GRID2: variants seen among roughly 807,000 people sequenced by gnomAD.
The protein encoded by GRID2 is glutamate ionotropic receptor delta type subunit 2, also known as glutamate receptor ionotropic, delta-2.
A neutral mutation model predicts 114.8 loss-of-function variants in GRID2; 33 were observed. The observed-to-expected ratio is 0.29, with a 90% CI of 0.22 to 0.38. GRID2 has a LOEUF of 0.38. GRID2 is among the 10% of genes least tolerant of loss of function. The pLI is 1.00. For synonymous variants in GRID2, 505 were observed against 449.9 expected, an observed-to-expected ratio of 1.12 and a Z score of -1.55; for missense variants, 1,184 against 1,257.7, an observed-to-expected ratio of 0.94 and a Z score of 0.89.
At chr4:92,863,990 T>C (rs1358076186) in intron 2 of GRID2, among the ~76,000 whole-genome samples, 1 of 152,184 alleles carries the variant, frequency 6.6e-6, no homozygotes, top group Non-Finnish European at 1.5e-5. Context: ...GTAAATACTG[T>C]TTTATTTCCA....
rs77081691 is a variant in GRID2, at chr4:93,344,778, G to A, written c.1246-50829G>A. ...TAACCAGTATCTCCCCATTTCCACC[G>A]CCAGCCTTCTCTAGCTCCTGGCAAC... On this transcript the variant is annotated intron_variant, in intron 8 of 15. Coordinates refer to ENST00000282020, the MANE Select transcript of GRID2 (RefSeq NM_001510.4). Among the ~76,000 whole-genome samples, 147 of 151,334 alleles carry A rather than the reference G, an allele frequency of 9.7e-4. 1 individual carries two copies. The highest frequency in any genetic ancestry group is 3.4e-3 in the African/African-American group (140 of 41,264).
chr4:92,364,359 T>C (rs948917998), intron 1 of GRID2, among the ~76,000 whole-genome samples: 17 of 152,172 alleles, frequency 1.1e-4, no homozygotes, highest in African/African-American at 4.1e-4. Context: ...CGTGTAAAAA[T>C]AGCTGTAATT....
intron 2 of GRID2, among the ~76,000 whole-genome samples, chr4:92,648,940 G>A (rs116555726): frequency 0.011 from 1,529 of 139,408 alleles, 90 homozygotes; most frequent in African/African-American, 0.04. Context: ...TTTCTTTAGA[G>A]ACAATTATTT....
intron 2 of GRID2, among the ~76,000 whole-genome samples, chr4:92,875,353 A>G (rs925374963): frequency 6.6e-6 from 1 of 151,892 alleles, no homozygotes; most frequent in Non-Finnish European, 1.5e-5. Flanking sequence ...TTTAGTAGAG[A>G]CGGGGTTTCA....
chr4:92,906,744 G>A (rs1419823192), intron 2 of GRID2, among the ~76,000 whole-genome samples: 6 of 151,972 alleles, frequency 3.9e-5, no homozygotes, highest in Non-Finnish European at 8.8e-5. Flanking sequence ...TCAGCCACAC[G>A]AGTAGCTGGG....
At chr4:92,733,116 T>C (rs1465920119) in intron 2 of GRID2, among the ~76,000 whole-genome samples, 1 of 152,060 alleles carries the variant, frequency 6.6e-6, no homozygotes, top group East Asian at 1.9e-4. Flanking sequence ...AGTGTGTTTA[T>C]TTTAGTAAGA....
chr4:92,756,053 A>T (rs1331704715), intron 2 of GRID2, among the ~76,000 whole-genome samples: 2 of 152,100 alleles, frequency 1.3e-5, no homozygotes, highest in African/African-American at 2.4e-5. Context: ...AAACATTAGA[A>T]CTTATTCCTT....
chr4:92,845,634 C>T (rs1048541542), intron 2 of GRID2, among the ~76,000 whole-genome samples: 1 of 152,100 alleles, frequency 6.6e-6, no homozygotes, highest in Non-Finnish European at 1.5e-5. Context: ...CCCTACGAGT[C>T]CAATGGATAT....
At chr4:92,823,790 C>G (rs200155389) in intron 2 of GRID2, among the ~76,000 whole-genome samples, 1 of 152,004 alleles carries the variant, frequency 6.6e-6, no homozygotes, top group Non-Finnish European at 1.5e-5. Flanking sequence ...ACCATGGATA[C>G]AAAAATGGCC....
intron 4 of GRID2, among the ~76,000 whole-genome samples, chr4:93,168,808 T>C (rs1487328179): frequency 6.6e-6 from 1 of 152,156 alleles, no homozygotes; most frequent in Non-Finnish European, 1.5e-5. Context: ...ATCAACCCAG[T>C]TTCTGGCATA....
At chr4:92,874,369 TGATTCG>T (rs1745483884) in intron 2 of GRID2, among the ~76,000 whole-genome samples, 1 of 152,224 alleles carries the variant, frequency 6.6e-6, no homozygotes, top group African/African-American at 2.4e-5. Context: ...TAAAATGAAA[TGATTCG>T]GATAGCATCC....
intron 2 of GRID2, among the ~76,000 whole-genome samples, chr4:92,913,315 T>G (rs1479535365): frequency 6.6e-6 from 1 of 151,900 alleles, no homozygotes; most frequent in African/African-American, 2.4e-5. Context: ...AGGAGGGGAA[T>G]AGTGAAATAC....
chr4:92,466,914 A>G (rs1177104643), intron 1 of GRID2, among the ~76,000 whole-genome samples: 5 of 151,780 alleles, frequency 3.3e-5, no homozygotes, highest in Non-Finnish European at 4.4e-5. Context: ...CTTATTTTAT[A>G]TAATGGGAAA....
intron 2 of GRID2, chr4:92,822,060 A>G (rs1267620727): frequency 1.9e-4 from 52 of 273,958 alleles, no homozygotes; most frequent in Non-Finnish European, 2.2e-4. Context: ...CCATCAGCAG[A>G]CCAGAGAGGT....
intron 1 of GRID2, among the ~76,000 whole-genome samples, chr4:92,332,769 C>A (rs1029178285): frequency 5.9e-5 from 9 of 152,112 alleles, no homozygotes; most frequent in Non-Finnish European, 1.0e-4. Flanking sequence ...AAAAGAATAA[C>A]AATTCCCATG....
Position 92,844,197 on chromosome 4 carries a change from G to A in GRID2, c.245-240798G>A, listed in dbSNP as rs13105083. ...CTTAACTCATTTTTGAGAAAAATCT[G>A]TCAGATACTCAAATCTAGATTACTA... On this transcript the variant is annotated intron_variant, in intron 2 of 15. Coordinates refer to ENST00000282020, the MANE Select transcript of GRID2 (RefSeq NM_001510.4). 2.5e-3 allele frequency among the ~76,000 whole-genome samples: 381 copies of A among 152,044 alleles called. 1 individual carries two copies. The highest frequency in any genetic ancestry group is 4.5e-3 in the Non-Finnish European group (304 of 67,968).
At chr4:92,630,572 C>G (rs1254475029) in intron 2 of GRID2, among the ~76,000 whole-genome samples, 3 of 152,104 alleles carry the variant, frequency 2.0e-5, no homozygotes, top group African/African-American at 7.2e-5. Flanking sequence ...ATGCTTAATG[C>G]AGGAACTATT....
intron 2 of GRID2, among the ~76,000 whole-genome samples, chr4:92,835,239 G>A (rs188756476): frequency 9.9e-5 from 15 of 151,582 alleles, no homozygotes; most frequent in African/African-American, 3.1e-4. Flanking sequence ...GGTAGGGAAA[G>A]TATCTCAAAG....
At chr4:93,694,043 A>C (rs556404955) in intron 14 of GRID2, among the ~76,000 whole-genome samples, 1 of 152,322 alleles carries the variant, frequency 6.6e-6, no homozygotes, top group African/African-American at 2.4e-5. Flanking sequence ...TTTAGTCAAA[A>C]GGTAGGAGAG....
Sources: allele counts gnomAD v4.1 joint callset (sites outside exome capture counted in the v4.1 genomes callset), GRCh38; gene constraint gnomAD v4.1.1; transcripts MANE v1.5; gene names NCBI Gene and HGNC (gene_info 2026-07-23, HGNC 2026-07-21).